EPHB1: variants seen among roughly 807,000 people sequenced by gnomAD.
EPHB1 encodes the protein EPH receptor B1, also known as ephrin type-B receptor 1.
Under a neutral mutation model 94.4 loss-of-function variants are expected in EPHB1, and 30 were observed. The observed-to-expected ratio is 0.32, with a 90% CI of 0.24 to 0.43. EPHB1 has a LOEUF of 0.43. Ranked by LOEUF, EPHB1 falls within the 20% of genes least tolerant of loss-of-function variation. The pLI, the probability that EPHB1 is intolerant of heterozygous loss-of-function variation, is 1.00. For missense variants in EPHB1, 1,055 were observed against 1,308.3 expected, an observed-to-expected ratio of 0.81 and a Z score of 2.99; for synonymous variants, 522 against 489.1, an observed-to-expected ratio of 1.07 and a Z score of -0.89.
intron 1 of EPHB1, among the ~76,000 whole-genome samples, chr3:134,837,277 C>T (rs1416798952): frequency 1.3e-5 from 2 of 152,170 alleles, no homozygotes; most frequent in Non-Finnish European, 2.9e-5. Flanking sequence ...ACCCTCTATT[C>T]CATGATTTTA....
intron 3 of EPHB1, among the ~76,000 whole-genome samples, chr3:134,988,710 T>C (rs1934691771): frequency 6.6e-6 from 1 of 152,220 alleles, no homozygotes; most frequent in Admixed American, 6.5e-5. Context: ...TTTGTATGTA[T>C]AGTAATCCTT....
chr3:135,257,204 T>A (rs1331038572), intron 15 of EPHB1, among the ~76,000 whole-genome samples: 2 of 152,066 alleles, frequency 1.3e-5, no homozygotes, highest in Non-Finnish European at 2.9e-5. Flanking sequence ...TCTGAAGCCT[T>A]CTTCTCTCAA....
intron 4 of EPHB1, among the ~76,000 whole-genome samples, chr3:135,119,908 A>G (rs1387668362): frequency 6.6e-6 from 1 of 152,046 alleles, no homozygotes; most frequent in African/African-American, 2.4e-5. Context: ...CATTTTGGTG[A>G]GATGTTTCTT....
intron 3 of EPHB1, among the ~76,000 whole-genome samples, chr3:135,064,329 G>A (rs1937553598): frequency 6.6e-6 from 1 of 151,942 alleles, no homozygotes; most frequent in East Asian, 1.9e-4. Flanking sequence ...TCTGGTCCTG[G>A]GCTTTTTTGT....
chr3:135,238,061 C>G (rs1273003901), intron 12 of EPHB1, among the ~76,000 whole-genome samples: 2 of 152,162 alleles, frequency 1.3e-5, no homozygotes, highest in East Asian at 1.9e-4. Context: ...TTAATTATGT[C>G]AATAATTGAT....
chr3:135,033,041 G>A lies in EPHB1; in HGVS notation c.806-73407G>A, dbSNP rs56881139. Among the ~76,000 whole-genome samples, 224 of 152,314 alleles carry A rather than the reference G, an allele frequency of 1.5e-3. 1 individual carries two copies. In the East Asian group the frequency reaches 0.032, roughly 22 times the overall value. On this transcript the variant is annotated intron_variant, in intron 3 of 15. Transcript: ENST00000398015. ...AAAAGCAGCAAAGAGAAACATGTTT[G>A]AGTCAGAGCTTTGAGTGTAGGTGAC...
intron 3 of EPHB1, among the ~76,000 whole-genome samples, chr3:134,989,686 A>T (rs1469538970): frequency 6.6e-6 from 1 of 152,236 alleles, no homozygotes; most frequent in Non-Finnish European, 1.5e-5. Context: ...TTAACACATT[A>T]ATTTAATTGT....
chr3:134,958,446 G>GTGTGTGTGTGTGTGTGTGTGTGTT (rs1216880112), intron 3 of EPHB1, among the ~76,000 whole-genome samples: 1 of 148,200 alleles, frequency 6.7e-6, no homozygotes. Context: ...GTGTGTGTGT[G>GTGTGTGTGTGTGTGTGTGTGTGTT]TGTGAGGCCT....
chr3:135,156,393 G>A (rs1941356197), intron 6 of EPHB1, among the ~76,000 whole-genome samples: 1 of 152,202 alleles, frequency 6.6e-6, no homozygotes, highest in Non-Finnish European at 1.5e-5. Flanking sequence ...CTGCAACAGG[G>A]AGGCCATGCT....
chr3:134,999,084 T>C (rs531228819), intron 3 of EPHB1, among the ~76,000 whole-genome samples: 50 of 152,144 alleles, frequency 3.3e-4, no homozygotes, highest in Non-Finnish European at 6.3e-4. Context: ...GTGAGTCAAG[T>C]AAACCCGATA....
rs777250831 is a variant in EPHB1 at position 135,192,836 on chromosome 3, CAG to C, written c.2130+14_2130+15del. ...TTCTTTCCTCAGGGTAAGAGCAACT[CAG>C]GGGTTTGATGATGCACTTGGATGCA... On this transcript the variant is annotated intron_variant, in intron 11 of 15. Transcript: ENST00000398015. 41 of 1,609,578 alleles carry C rather than the reference CAG, an allele frequency of 2.5e-5. No homozygotes were observed. The highest frequency in any genetic ancestry group is 3.3e-5 in the Non-Finnish European group (39 of 1,176,478).
chr3:135,154,066 T>C (rs2107695026), intron 5 of EPHB1, 86 bp from the exon 6 acceptor site: 1 of 1,561,750 alleles, frequency 6.4e-7, no homozygotes, highest in Non-Finnish European at 8.7e-7. Flanking sequence ...CGAATGCCAT[T>C]TTTCTCCCTA....
At chr3:135,163,760 A>G (rs1941576455) in intron 7 of EPHB1, among the ~76,000 whole-genome samples, 1 of 152,262 alleles carries the variant, frequency 6.6e-6, no homozygotes, top group Admixed American at 6.5e-5. Flanking sequence ...TAAGTTTTGC[A>G]AACCCAAGAG....
intron 7 of EPHB1, 136 bp from the exon 8 acceptor site, chr3:135,165,832 G>C (rs1941638177): frequency 3.5e-6 from 2 of 569,668 alleles, no homozygotes; most frequent in African/African-American, 1.8e-5. Context: ...GTTTTGGTTA[G>C]ACTTACAACT....
chr3:134,948,504 C>A (rs776264697), intron 2 of EPHB1, among the ~76,000 whole-genome samples: 65 of 152,012 alleles, frequency 4.3e-4, no homozygotes, highest in Non-Finnish European at 8.5e-4. Context: ...TTAATAAACA[C>A]ATTTGATAGA....
chr3:135,037,973 G>C lies in EPHB1; in HGVS notation c.806-68475G>C, dbSNP rs116041398. Among the ~76,000 whole-genome samples, 475 of 152,296 alleles carry C rather than the reference G, an allele frequency of 3.1e-3. 3 individuals are homozygous for C. The highest frequency in any genetic ancestry group is 0.011 in the African/African-American group (449 of 41,564). On this transcript the variant is annotated intron_variant, in intron 3 of 15. Transcript: ENST00000398015. ...CTACCCTTTTCTTATCACAGTCATT[G>C]TTTACCTACCAGATCTCCCAACCTA...
At chr3:134,945,358 T>C (rs1489264904) in intron 2 of EPHB1, among the ~76,000 whole-genome samples, 1 of 152,184 alleles carries the variant, frequency 6.6e-6, no homozygotes, top group African/African-American at 2.4e-5. Flanking sequence ...TCTTTGTAGT[T>C]TCATTTTTAA....
intron 1 of EPHB1, among the ~76,000 whole-genome samples, chr3:134,847,966 C>A (rs1302001071): frequency 6.6e-6 from 1 of 152,132 alleles, no homozygotes; most frequent in Non-Finnish European, 1.5e-5. Context: ...TCATTAGGAA[C>A]CTTTAATTAA....
At chr3:135,179,051 A>G (rs1359008111) in intron 9 of EPHB1, among the ~76,000 whole-genome samples, 1 of 151,842 alleles carries the variant, frequency 6.6e-6, no homozygotes, top group African/African-American at 2.4e-5. Context: ...TACTTTTTGA[A>G]TGTATTTTTT....
Sources: allele counts gnomAD v4.1 joint callset (sites outside exome capture counted in the v4.1 genomes callset), GRCh38; gene constraint gnomAD v4.1.1; transcripts MANE v1.5; gene names NCBI Gene and HGNC (gene_info 2026-07-23, HGNC 2026-07-21).